The following ANKRD31 variants were observed in gnomAD, a reference collection of about 807,000 sequenced individuals.
ANKRD31 encodes the protein ankyrin repeat domain 31, also known as ankyrin repeat domain-containing protein 31.
In ANKRD31, 147 loss-of-function variants were observed where a neutral mutation model predicts 186.0. The ratio of observed to expected loss-of-function variants is 0.79; its 90% CI spans 0.69 to 0.91. The LOEUF is 0.91. Ranked by LOEUF, ANKRD31 falls within the 40% of genes least tolerant of loss-of-function variation. ANKRD31 has a pLI of 0.00. For synonymous variants in ANKRD31, 673 were observed against 736.4 expected (o/e 0.91, Z 1.39); for missense variants, 1,986 against 2,148.8 (o/e 0.92, Z 1.50).
At chr5:75,166,260 A>G (rs1561494573) in intron 11 of ANKRD31, among the ~76,000 whole-genome samples, 1 of 152,182 alleles carries the variant, frequency 6.6e-6, no homozygotes, top group Non-Finnish European at 1.5e-5. Flanking sequence ...ACTTGAGGCC[A>G]GGAGCTCAAG....
chr5:75,184,759 G>C (rs1309480320), intron 10 of ANKRD31, among the ~76,000 whole-genome samples: 1 of 152,062 alleles, frequency 6.6e-6, no homozygotes, highest in Admixed American at 6.6e-5. Flanking sequence ...TTACGCTTTT[G>C]GTGGGAATGT....
chr5:75,211,070 GT>G (rs894269266), intron 3 of ANKRD31, among the ~76,000 whole-genome samples: 1 of 152,134 alleles, frequency 6.6e-6, no homozygotes, highest in Non-Finnish European at 1.5e-5. Context: ...TACTCACACT[GT>G]TGTACAACCA....
intron 3 of ANKRD31, 28 bp downstream of exon 3, chr5:75,222,221 G>C (rs1225125696): frequency 2.1e-6 from 3 of 1,462,802 alleles, no homozygotes; most frequent in Non-Finnish European, 2.8e-6. Context: ...TTTTTAATGA[G>C]TATGTATTCA....
chr5:75,110,737 T>C (rs1338803960), intron 20 of ANKRD31, among the ~76,000 whole-genome samples: 1 of 149,532 alleles, frequency 6.7e-6, no homozygotes, highest in Non-Finnish European at 1.5e-5. Context: ...ATAAGCAACA[T>C]GGCAAATGAA....
intron 10 of ANKRD31, among the ~76,000 whole-genome samples, chr5:75,182,817 T>C (rs1754424781): frequency 6.6e-6 from 1 of 151,778 alleles, no homozygotes; most frequent in Non-Finnish European, 1.5e-5. Context: ...GCCTGAAAGA[T>C]AAGGTAAATA....
intron 17 of ANKRD31, among the ~76,000 whole-genome samples, chr5:75,130,808 A>T (rs1749732297): frequency 6.6e-6 from 1 of 152,192 alleles, no homozygotes; most frequent in South Asian, 2.1e-4. Flanking sequence ...TAGACAGAAA[A>T]GTTCTCCAAG....
chr5:75,234,005 T>C (rs2150326914), intron 1 of ANKRD31, among the ~76,000 whole-genome samples: 1 of 152,296 alleles, frequency 6.6e-6, no homozygotes, highest in South Asian at 2.1e-4. Context: ...CTCAGAGTTA[T>C]TTGCAATAAC....
At chr5:75,211,493 C>T (rs911691360) in intron 3 of ANKRD31, among the ~76,000 whole-genome samples, 2 of 152,130 alleles carry the variant, frequency 1.3e-5, no homozygotes, top group African/African-American at 2.4e-5. Flanking sequence ...TTCACTTCTT[C>T]GGCATATACA....
At chr5:75,110,975 T>C (rs1026992001) in intron 20 of ANKRD31, among the ~76,000 whole-genome samples, 2 of 151,734 alleles carry the variant, frequency 1.3e-5, no homozygotes, top group African/African-American at 2.4e-5. Context: ...TCTGTTAATC[T>C]TTCCTAAGAA....
chr5:75,145,095 C>T (rs1373355937), intron 14 of ANKRD31, among the ~76,000 whole-genome samples: 1 of 152,094 alleles, frequency 6.6e-6, no homozygotes, highest in Non-Finnish European at 1.5e-5. Flanking sequence ...ACAACAGATG[C>T]TAGAGAGGAT....
At chr5:75,209,670 A>C (rs10035303) in intron 4 of ANKRD31, among the ~76,000 whole-genome samples, 77,231 of 151,952 alleles carry the variant, frequency 0.51, 22,681 homozygotes, top group African/African-American at 0.82. Context: ...GACTGAGACT[A>C]TGGTTCAAAA....
At chr5:75,174,919 C>T (rs904314243) in intron 10 of ANKRD31, among the ~76,000 whole-genome samples, 20 of 152,190 alleles carry the variant, frequency 1.3e-4, no homozygotes, top group Admixed American at 1.1e-3. Context: ...ACTATAAAGA[C>T]ACATGCACAT....
chr5:75,100,437 G>T (rs902188524), intron 22 of ANKRD31, among the ~76,000 whole-genome samples: 8 of 152,126 alleles, frequency 5.3e-5, no homozygotes, highest in African/African-American at 1.7e-4. Context: ...TGCCTATTAG[G>T]TCTGCTTGGT....
At position 75,132,843 on chromosome 5, in the gene ANKRD31, G is replaced by T. The variant is rs191318499; in HGVS notation, c.3876+5013C>A. ...TTGGCAGAAACTCTACAAGCCAGAA[G>T]AGAGTGGGGGCCAATATTCAACATT... On this transcript the variant is annotated intron_variant, in intron 17 of 25. Coordinates refer to ENST00000506364, the MANE Select transcript of ANKRD31 (RefSeq NM_001372053.1). Among the ~76,000 whole-genome samples, 394 of 152,286 alleles carry T rather than the reference G, an allele frequency of 2.6e-3. 2 individuals are homozygous for T. The highest frequency in any genetic ancestry group is 8.4e-3 in the African/African-American group (351 of 41,552).
intron 23 of ANKRD31, among the ~76,000 whole-genome samples, chr5:75,090,191 G>A (rs1356011956): frequency 2.0e-5 from 3 of 152,214 alleles, no homozygotes; most frequent in Non-Finnish European, 4.4e-5. Context: ...TCCATGGAAA[G>A]GATAGGGTAA....
intron 5 of ANKRD31, among the ~76,000 whole-genome samples, chr5:75,200,925 A>G (rs887463536): frequency 6.6e-6 from 1 of 150,682 alleles, no homozygotes; most frequent in African/African-American, 2.5e-5. Context: ...AAAAAAAAAG[A>G]AAAGAAAAAA....
chr5:75,177,383 C>T (rs947483483), intron 10 of ANKRD31, among the ~76,000 whole-genome samples: 14 of 152,128 alleles, frequency 9.2e-5, no homozygotes, highest in Admixed American at 2.6e-4. Context: ...ATACAGAGAA[C>T]GCCACAAAGA....
In ANKRD31 at chr5:75,184,698, T is replaced by C. The variant is rs145218266; in HGVS notation, c.1564+3795A>G. The stretch of plus-strand genomic sequence containing the variant: ...CTCATTCCACTCAGAATGGCTATTA[T>C]TAAAAAGACAAAAGATAAGTGTTGA... On this transcript the variant is annotated intron_variant, in intron 10 of 25. Transcript: ENST00000506364. Among the ~76,000 whole-genome samples, 1,381 of 152,220 alleles carry C rather than the reference T, an allele frequency of 9.1e-3. 8 individuals carry two copies. The highest frequency in any genetic ancestry group is 0.014 in the Admixed American group (218 of 15,276).
intron 6 of ANKRD31, among the ~76,000 whole-genome samples, chr5:75,196,899 T>C (rs777139917): frequency 2.0e-5 from 3 of 152,092 alleles, no homozygotes; most frequent in Non-Finnish European, 2.9e-5. Flanking sequence ...TTCTTTTCTT[T>C]CCTTTTTTTT....
Sources: gnomAD v4.1 joint callset for allele counts (sites outside exome capture counted in the v4.1 genomes callset) on GRCh38, gnomAD v4.1.1 for gene constraint, MANE v1.5 for transcripts, NCBI Gene and HGNC (gene_info 2026-07-23, HGNC 2026-07-21) for gene names.